The following SCAPER variants were observed in gnomAD, a reference collection of about 807,000 sequenced individuals.
SCAPER encodes S-phase cyclin A associated protein in the ER.
In SCAPER, 98 loss-of-function variants were observed where a neutral mutation model predicts 182.2. That is an observed-to-expected ratio of 0.54 (90% CI 0.46 to 0.64). The LOEUF (loss-of-function observed/expected upper bound fraction) is 0.64. Among genes scored for constraint, SCAPER ranks in the 30% least tolerant of loss-of-function variants. The pLI, the probability that SCAPER is intolerant of heterozygous loss-of-function variation, is 0.00. For synonymous variants in SCAPER, 605 were observed against 564.6 expected (o/e 1.07, Z -1.01); for missense variants, 1,432 against 1,690.0 (o/e 0.85, Z 2.68).
intron 26 of SCAPER, among the ~76,000 whole-genome samples, chr15:76,416,580 A>G (rs1159405950): frequency 6.6e-6 from 1 of 152,208 alleles, no homozygotes; most frequent in Admixed American, 6.5e-5. Flanking sequence ...GGTTGAGGGT[A>G]CAAGGACATA....
At chr15:76,667,649 A>C (rs962535969) in intron 20 of SCAPER, among the ~76,000 whole-genome samples, 51 of 118,918 alleles carry the variant, frequency 4.3e-4, no homozygotes, top group Middle Eastern at 4.7e-3. Flanking sequence ...AAAAAAAAAA[A>C]AAAAAAAAAA....
chr15:76,588,833 C>A (rs570301160), intron 22 of SCAPER, among the ~76,000 whole-genome samples: 10 of 152,210 alleles, frequency 6.6e-5, no homozygotes, highest in Admixed American at 5.9e-4. Context: ...TGCCATATTA[C>A]CAGAATTGTT....
chr15:76,814,342 T>C (rs2066901060), intron 5 of SCAPER, among the ~76,000 whole-genome samples: 1 of 152,198 alleles, frequency 6.6e-6, no homozygotes, highest in East Asian at 1.9e-4. Context: ...AGGCATCACA[T>C]TTCCTGACTG....
intron 18 of SCAPER, among the ~76,000 whole-genome samples, chr15:76,703,447 T>C (rs1458925222): frequency 6.6e-6 from 1 of 152,196 alleles, no homozygotes; most frequent in Non-Finnish European, 1.5e-5. Flanking sequence ...GGGTAAAGCA[T>C]ATGCTTATCC....
intron 14 of SCAPER, among the ~76,000 whole-genome samples, chr15:76,757,398 G>C (rs142232160): frequency 6.5e-4 from 99 of 151,780 alleles, no homozygotes; most frequent in African/African-American, 2.2e-3. Flanking sequence ...CATCCACGTT[G>C]TCACAAATGT....
chr15:76,540,037 T>C (rs952744841), intron 23 of SCAPER, among the ~76,000 whole-genome samples: 1 of 152,176 alleles, frequency 6.6e-6, no homozygotes, highest in Non-Finnish European at 1.5e-5. Context: ...TGGAATACTA[T>C]TCAGTCTTTA....
intron 14 of SCAPER, among the ~76,000 whole-genome samples, chr15:76,762,435 C>T (rs1440551974): frequency 6.8e-6 from 1 of 146,294 alleles, no homozygotes; most frequent in East Asian, 2.0e-4. Context: ...AATAGGTTTG[C>T]CCTTGTGGTT....
intron 20 of SCAPER, among the ~76,000 whole-genome samples, chr15:76,673,354 T>C (rs935609866): frequency 6.6e-6 from 1 of 152,088 alleles, no homozygotes; most frequent in Non-Finnish European, 1.5e-5. Flanking sequence ...GTGTCTCAGA[T>C]TTATCATCGT....
At chr15:76,438,910 A>G (rs1273342404) in intron 25 of SCAPER, among the ~76,000 whole-genome samples, 1 of 152,176 alleles carries the variant, frequency 6.6e-6, no homozygotes, top group East Asian at 1.9e-4. Flanking sequence ...CTCAAAGGAC[A>G]TTTTATTCAA....
chr15:76,680,125 T>C (rs1174675405), intron 20 of SCAPER, among the ~76,000 whole-genome samples: 1 of 152,086 alleles, frequency 6.6e-6, no homozygotes, highest in Non-Finnish European at 1.5e-5. Flanking sequence ...AAGATAATGC[T>C]CAGAGCCAGA....
At position 76,701,699 on chromosome 15, in the gene SCAPER, A is replaced by C. The variant is rs970534340; in HGVS notation, c.2508+59T>G. The stretch of plus-strand genomic sequence containing the variant: ...ATACAAACACGGAATTCTTTATAAT[A>C]AAACAGCACATATTGGGTACTCAAT... On this transcript the variant is annotated intron_variant, in intron 20 of 31. Coordinates refer to ENST00000563290, the MANE Select transcript of SCAPER (RefSeq NM_020843.4). 5.4e-6 allele frequency: 7 copies of C among 1,301,956 alleles called. No homozygotes were observed. In the Admixed American group the frequency reaches 1.3e-4, roughly 24 times the overall value. 80.7% of individuals were successfully genotyped at this position (1,301,956 alleles called of 1,614,324 possible).
intron 23 of SCAPER, among the ~76,000 whole-genome samples, chr15:76,538,309 A>G (rs1292286603): frequency 2.0e-5 from 3 of 149,612 alleles, no homozygotes; most frequent in African/African-American, 7.4e-5. Context: ...AAGACTTGGA[A>G]CCAACCCAAA....
intron 25 of SCAPER, among the ~76,000 whole-genome samples, chr15:76,454,092 C>T (rs909677394): frequency 3.3e-5 from 5 of 152,204 alleles, no homozygotes; most frequent in African/African-American, 1.2e-4. Context: ...CTTATGTCAC[C>T]GGCTAGAGCT....
chr15:76,774,879 G>A lies in SCAPER; in HGVS notation c.1011C>T (p.Asp337=), dbSNP rs377325680. Residue 337 remains aspartate, a synonymous_variant, in exon 9 of 32, where the codon GAC becomes GAT. Transcript: ENST00000563290. ...CCTGGGTTTTTTCGGCAAGAGGATGGTCACAAGAGTGTAATGAGTCTTTGG... is the reference window on the plus strand; with the variant it reads ...CCTGGGTTTTTTCGGCAAGAGGATGATCACAAGAGTGTAATGAGTCTTTGG... The part of the protein sequence containing the change: ...SHPKDSLHSC[D]HPLAEKTQFT... 4.3e-6 allele frequency: 7 copies of A among 1,612,746 alleles called. No individual in the cohort carries two copies. The African/African-American group carries it at 6.7e-5, about 15-fold the overall frequency.
At chr15:76,896,577 C>G (rs2074443162) in intron 1 of SCAPER, among the ~76,000 whole-genome samples, 1 of 152,002 alleles carries the variant, frequency 6.6e-6, no homozygotes. Flanking sequence ...TCAACATAAT[C>G]CCTATCAAAA....
intron 21 of SCAPER, among the ~76,000 whole-genome samples, chr15:76,623,645 T>C (rs953546528): frequency 1.5e-4 from 23 of 152,230 alleles, no homozygotes; most frequent in African/African-American, 5.5e-4. Flanking sequence ...TCTTGGTTAC[T>C]GTAGACTTAT....
chr15:76,753,909 GAT>G lies in SCAPER; in HGVS notation c.1763_1764del (p.Asp588AlafsTer14). On this transcript the variant is annotated frameshift_variant, in exon 15 of 32. Coordinates refer to ENST00000563290, the MANE Select transcript of SCAPER (RefSeq NM_020843.4). LOFTEE classifies it high-confidence loss of function. ...DVRKWKEELLDQRRRMMEEKL... is the reference protein window; with the variant it reads ...DVRKWKEELLXQRRRMMEEKL... ...TTTTCTTCCATCATCCTGCGTCGTT[GAT>G]CTAGCAATTCTTCCTTCCACTTCCG... 1.2e-6 allele frequency: 2 copies of G among 1,612,920 alleles called. No individual in the cohort carries two copies. The highest frequency in any genetic ancestry group is 1.7e-6 in the Non-Finnish European group (2 of 1,179,252).
chr15:76,510,387 AAAC>A (rs745841915), intron 23 of SCAPER, among the ~76,000 whole-genome samples: 99 of 152,228 alleles, frequency 6.5e-4, no homozygotes, highest in African/African-American at 2.0e-3. Context: ...AAAAATTAGC[AAAC>A]AACAACAACA....
intron 25 of SCAPER, among the ~76,000 whole-genome samples, chr15:76,452,932 G>A (rs1018534286): frequency 6.6e-6 from 1 of 152,168 alleles, no homozygotes; most frequent in East Asian, 1.9e-4. Context: ...TTGGGCCCAA[G>A]TGATCCTTCT....
Sources: gnomAD v4.1 joint callset for allele counts (sites outside exome capture counted in the v4.1 genomes callset) on GRCh38, gnomAD v4.1.1 for gene constraint, MANE v1.5 for transcripts, NCBI Gene and HGNC (gene_info 2026-07-23, HGNC 2026-07-21) for gene names.